The following SPAG16 variants were observed in gnomAD, a reference collection of about 807,000 sequenced individuals.
SPAG16 encodes sperm associated antigen 16, also known as sperm-associated antigen 16 protein.
SPAG16 carries 86 observed loss-of-function variants against 80.4 expected under a neutral mutation model. The observed-to-expected ratio is 1.07, with a 90% CI of 0.90 to 1.28. The LOEUF (loss-of-function observed/expected upper bound fraction) is 1.28, where lower values mean the gene tolerates loss of function less well. SPAG16 is among the 50% of genes most tolerant of loss of function. SPAG16 has a pLI of 0.00. For missense variants in SPAG16, 870 were observed against 765.3 expected (o/e 1.14, Z -1.61); for synonymous variants, 294 against 265.9 (o/e 1.11, Z -1.03).
At chr2:213,669,518 T>G (rs1181827385) in intron 10 of SPAG16, among the ~76,000 whole-genome samples, 1 of 152,266 alleles carries the variant, frequency 6.6e-6, no homozygotes, top group African/African-American at 2.4e-5. Context: ...AACTGTGTAA[T>G]GTTTAGTAAC....
intron 13 of SPAG16, among the ~76,000 whole-genome samples, chr2:214,042,420 A>C (rs116749755): frequency 0.013 from 1,421 of 106,168 alleles, 22 homozygotes; most frequent in African/African-American, 0.042. Flanking sequence ...ATGAAGAAGT[A>C]AAAACAAAAA....
At chr2:213,945,688 T>C (rs527662140) in intron 12 of SPAG16, among the ~76,000 whole-genome samples, 5 of 152,220 alleles carry the variant, frequency 3.3e-5, no homozygotes, top group African/African-American at 1.2e-4. Context: ...ATACTTTGCA[T>C]CCTTCAATCC....
intron 10 of SPAG16, among the ~76,000 whole-genome samples, chr2:213,827,671 G>A (rs1465574689): frequency 6.6e-6 from 1 of 151,840 alleles, no homozygotes. Context: ...CTTTCTGATT[G>A]AATGACTCCC....
At chr2:213,490,613 A>T (rs531935229) in intron 10 of SPAG16, among the ~76,000 whole-genome samples, 3 of 152,258 alleles carry the variant, frequency 2.0e-5, no homozygotes, top group Non-Finnish European at 4.4e-5. Context: ...ATCTTATAAA[A>T]TGGAGAGTAT....
chr2:213,679,272 A>G (rs2125253057), intron 10 of SPAG16, among the ~76,000 whole-genome samples: 1 of 152,332 alleles, frequency 6.6e-6, no homozygotes, highest in East Asian at 1.9e-4. Context: ...AAACATTTTT[A>G]CTTACAATTT....
intron 10 of SPAG16, among the ~76,000 whole-genome samples, chr2:213,755,334 C>G (rs1215078803): frequency 6.6e-6 from 1 of 151,990 alleles, no homozygotes; most frequent in Non-Finnish European, 1.5e-5. Flanking sequence ...ATAGTTTTGA[C>G]TGATATCATG....
chr2:213,607,179 A>G (rs1336587237), intron 10 of SPAG16, among the ~76,000 whole-genome samples: 1 of 152,230 alleles, frequency 6.6e-6, no homozygotes, highest in Non-Finnish European at 1.5e-5. Context: ...TTCCATGAAC[A>G]TATTTTACAT....
At chr2:213,636,063 G>T (rs771333542) in intron 10 of SPAG16, among the ~76,000 whole-genome samples, 4 of 152,068 alleles carry the variant, frequency 2.6e-5, no homozygotes, top group Non-Finnish European at 4.4e-5. Flanking sequence ...GTTGTCTTCT[G>T]AAATTTTTAT....
intron 12 of SPAG16, among the ~76,000 whole-genome samples, chr2:214,005,050 TGA>T (rs139148556): frequency 0.011 from 1,705 of 152,256 alleles, 27 homozygotes; most frequent in African/African-American, 0.039. Context: ...TAGGAAGTGT[TGA>T]GTTATAAAGC....
At chr2:213,885,398 C>G (rs2106047870) in intron 11 of SPAG16, among the ~76,000 whole-genome samples, 1 of 152,128 alleles carries the variant, frequency 6.6e-6, no homozygotes, top group East Asian at 1.9e-4. Flanking sequence ...TCACCAGGTC[C>G]ATTCTTGGGC....
At position 214,368,556 on chromosome 2, in the gene SPAG16, G is replaced by A. The variant is rs184711497; in HGVS notation, c.1721-41584G>A. Among the ~76,000 whole-genome samples, 38 of 152,118 alleles carry A rather than the reference G, an allele frequency of 2.5e-4. No homozygotes were observed. In the East Asian group the frequency reaches 6.8e-3, roughly 27 times the overall value. The stretch of plus-strand genomic sequence containing the variant: ...ATAAAGTAGTTCACCCTGTTTTGAA[G>A]CAAAATTTCTACCCATATCAACTTA... On this transcript the variant is annotated intron_variant, in intron 15 of 15. Coordinates refer to ENST00000331683, the MANE Select transcript of SPAG16 (RefSeq NM_024532.5).
intron 10 of SPAG16, among the ~76,000 whole-genome samples, chr2:213,607,942 T>C (rs2061320316): frequency 6.6e-6 from 1 of 152,228 alleles, no homozygotes. Flanking sequence ...CTTTCTGGAC[T>C]TCAATCCATT....
At chr2:213,618,708 G>GT (rs144453191) in intron 10 of SPAG16, among the ~76,000 whole-genome samples, 162 of 139,970 alleles carry the variant, frequency 1.2e-3, no homozygotes, top group Middle Eastern at 3.6e-3. Context: ...GAGGATTTCT[G>GT]TTTTTTTTTT....
At chr2:213,656,724 G>C (rs1401831642) in intron 10 of SPAG16, among the ~76,000 whole-genome samples, 1 of 152,138 alleles carries the variant, frequency 6.6e-6, no homozygotes, top group East Asian at 1.9e-4. Flanking sequence ...TAACTTATGA[G>C]CAAATTATAT....
intron 10 of SPAG16, among the ~76,000 whole-genome samples, chr2:213,833,476 A>AT (rs1475446669): frequency 1.8e-3 from 9 of 5,018 alleles, no homozygotes; most frequent in African/African-American, 2.5e-3. Context: ...TATATATAAT[A>AT]ATATATATAT....
At chr2:213,763,322 T>G (rs1256319078) in intron 10 of SPAG16, among the ~76,000 whole-genome samples, 2 of 152,168 alleles carry the variant, frequency 1.3e-5, no homozygotes, top group Non-Finnish European at 2.9e-5. Flanking sequence ...GAAGAGATAT[T>G]TGTATTCCTA....
chr2:213,659,021 C>T (rs1574683239), intron 10 of SPAG16, among the ~76,000 whole-genome samples: 2 of 151,944 alleles, frequency 1.3e-5, no homozygotes, highest in Admixed American at 1.3e-4. Context: ...GGCAACAGAG[C>T]GAGACTCTGT....
At chr2:213,660,613 T>G (rs986791658) in intron 10 of SPAG16, among the ~76,000 whole-genome samples, 28 of 152,066 alleles carry the variant, frequency 1.8e-4, no homozygotes, top group Non-Finnish European at 3.2e-4. Context: ...ATAATCTAAG[T>G]CCAGGGCATA....
intron 15 of SPAG16, among the ~76,000 whole-genome samples, chr2:214,309,261 G>A (rs1695125830): frequency 6.6e-6 from 1 of 151,632 alleles, no homozygotes; most frequent in Admixed American, 6.6e-5. Flanking sequence ...CTCTATACTG[G>A]TCATTTTGTC....
Sources: allele counts gnomAD v4.1 joint callset (sites outside exome capture counted in the v4.1 genomes callset), GRCh38; gene constraint gnomAD v4.1.1; transcripts MANE v1.5; gene names NCBI Gene and HGNC (gene_info 2026-07-23, HGNC 2026-07-21).